SLC25A38: variants seen among roughly 807,000 people sequenced by gnomAD.
SLC25A38 encodes the protein mitochondrial glycine transporter.
A neutral mutation model predicts 33.4 loss-of-function variants in SLC25A38; 27 were observed. The observed-to-expected ratio is 0.81, with a 90% CI of 0.60 to 1.11. SLC25A38 has a LOEUF of 1.11. Among genes scored for constraint, SLC25A38 ranks in the 50% most tolerant of loss-of-function variants. The pLI, the probability that SLC25A38 is intolerant of heterozygous loss-of-function variation, is 0.00. For missense variants in SLC25A38, 344 were observed against 388.8 expected (o/e 0.88, Z 0.97); for synonymous variants, 123 against 145.9 (o/e 0.84, Z 1.13).
rs371503933 is a variant in SLC25A38 at position 39,394,506 on chromosome 3, T to C, written c.722T>C (p.Ile241Thr). The C allele has an allele frequency of 1.1e-5, 17 of 1,614,090 alleles. No homozygotes were observed. The highest frequency in any genetic ancestry group is 1.7e-5 in the Admixed American group (1 of 60,004). The part of the protein sequence containing the change: ...ASLVTQPADV[I>T]KTHMQLYPLK... ...CTGGTAACTCAACCTGCGGATGTTA[T>C]CAAAACTCATATGCAGCTTTATCCA... The change falls in exon 6 of 7, where the codon ATC (isoleucine) becomes ACC (threonine). Residue 241 changes from isoleucine (I) to threonine (T), a missense_variant. By Grantham distance (89) the Ile-to-Thr change is moderately conservative. Around this residue, in one of 2 missense-constraint regions of SLC25A38, gnomAD observed 75 missense variants for 117.0 expected, o/e 0.64. Transcript: ENST00000650617.
rs2041766590 is a variant in SLC25A38 at position 39,391,510 on chromosome 3, T to G, written c.346T>G (p.Leu116Val). Residue 116 changes from leucine (L) to valine (V), a missense_variant, in exon 4 of 7, where the codon TTG (leucine) becomes GTG (valine). Physicochemically the swap from Leu to Val is conservative, Grantham distance 32. Transcript: ENST00000650617. Reference protein sequence around the residue: ...GTLYSLKQYFLRGHPPTALES... With the variant: ...GTLYSLKQYFVRGHPPTALES... Reference sequence around the variant, plus strand: ...TCTCTACTCTTTGAAGCAGTATTTCTTGCGAGGCCATCCCCCAACCGCCCT... The same window carrying G: ...TCTCTACTCTTTGAAGCAGTATTTCGTGCGAGGCCATCCCCCAACCGCCCT... 1.2e-6 allele frequency: 2 copies of G among 1,614,240 alleles called. No homozygotes were observed. Among genetic ancestry groups the G allele is most frequent in the Non-Finnish European group, 1.7e-6 (2 of 1,180,030 alleles).
chr3:39,388,578 A>G (rs1230949336), intron 1 of SLC25A38: 3 of 152,246 alleles, frequency 2.0e-5, no homozygotes, highest in African/African-American at 7.2e-5. Flanking sequence ...AATGCCACTT[A>G]ATAAGGGAAG....
intron 3 of SLC25A38, among the ~76,000 whole-genome samples, chr3:39,390,968 A>C (rs1039999417): frequency 6.6e-6 from 1 of 152,234 alleles, no homozygotes; most frequent in Non-Finnish European, 1.5e-5. Context: ...TTTCAAGAGT[A>C]TAGGCCAGTT....
rs1410195107 is a variant in SLC25A38 at position 39,394,415 on chromosome 3, G to A, written c.631G>A (p.Val211Met). ...TTACCTTTGTTCTATTTCAGACCAG[G>A]TGGATGCAACCCTTATTCCTATTAC... ...QTKNIVPHDQ[V>M]DATLIPITNF... The change falls in exon 6 of 7, where the codon GTG (valine) becomes ATG (methionine). Residue 211 changes from valine to methionine, a missense_variant. By Grantham distance (21) the Val-to-Met change is conservative. Around this residue, in one of 2 missense-constraint regions of SLC25A38, gnomAD observed 269 missense variants for 271.8 expected, o/e 0.99. Coordinates refer to ENST00000650617, the MANE Select transcript of SLC25A38 (RefSeq NM_017875.4). 1.2e-6 allele frequency: 2 copies of A among 1,612,644 alleles called. No homozygotes were observed. Among genetic ancestry groups the A allele is most frequent in the South Asian group, 1.1e-5 (1 of 91,002 alleles).
At position 39,383,395 on chromosome 3, in the gene SLC25A38, C is replaced by T. The variant is rs2041668736; in HGVS notation, c.-330C>T. The T allele has an allele frequency of 2.9e-6, 1 of 339,130 alleles. No individual in the cohort carries two copies. The highest frequency in any genetic ancestry group is 2.1e-5 in the African/African-American group (1 of 47,254). The allele number at this position is 339,130 out of a possible 1,614,324, so 21.0% of individuals were successfully genotyped here. A position where few individuals can be genotyped will look rare whatever the true frequency, so the allele number is the denominator to read the frequency against. On this transcript the variant is annotated 5_prime_UTR_variant, in exon 1 of 7. Coordinates refer to ENST00000650617, the MANE Select transcript of SLC25A38 (RefSeq NM_017875.4). ...AGAGTTCCTCCGGCGCTTCCTCCAC[C>T]CCGGGATACACAGAACCTCATCTCC...
intron 2 of SLC25A38, among the ~76,000 whole-genome samples, chr3:39,390,003 C>T (rs1164451167): frequency 3.9e-5 from 6 of 152,134 alleles, no homozygotes; most frequent in Admixed American, 2.0e-4. Flanking sequence ...TGCAGAGGTG[C>T]GATCTCAGCT....
Position 39,383,708 on chromosome 3 carries a change from C to T in SLC25A38, c.-17C>T, listed in dbSNP as rs2276716. 1 of 1,613,976 alleles carries T rather than the reference C, an allele frequency of 6.2e-7. No homozygotes were observed. The highest frequency in any genetic ancestry group is 1.3e-5 in the African/African-American group (1 of 75,062). ...GACGGCACCCTGGGCCCAGAGGACT[C>T]GCGGGCCTCATCTCCAATGATTCAG... On this transcript the variant is annotated 5_prime_UTR_variant, in exon 1 of 7. Transcript: ENST00000650617.
In SLC25A38 at chr3:39,394,386, CAT is replaced by C. The variant is rs555553241; in HGVS notation, c.626-23_626-22del. On this transcript the variant is annotated intron_variant, in intron 5 of 6. Coordinates refer to ENST00000650617, the MANE Select transcript of SLC25A38 (RefSeq NM_017875.4). ...CTGATTAATATAAGATCTATGTCCA[CAT>C]GTTACCTTTGTTCTATTTCAGACCA... 1.3e-3 allele frequency: 2,119 copies of C among 1,611,838 alleles called. 2 individuals are homozygous for C. The highest frequency in any genetic ancestry group is 1.6e-3 in the Non-Finnish European group (1,942 of 1,179,702).
chr3:39,391,811 A>C, intron 4 of SLC25A38, 42 bp from the exon 5 acceptor site: 1 of 1,612,668 alleles, frequency 6.2e-7, no homozygotes, highest in Non-Finnish European at 8.5e-7. Flanking sequence ...GCTGAAATGC[A>C]GCGCCTCCAT....
rs1187825950 is a variant in SLC25A38, at chr3:39,395,877, G to C, written c.793-521G>C. On this transcript the variant is annotated intron_variant, in intron 6 of 6. Coordinates refer to ENST00000650617, the MANE Select transcript of SLC25A38 (RefSeq NM_017875.4). ...TTCAGCTAAGAAATCCCCCTAGATAGAGCAGCCTAAAAAGGTAAGCCCAGC... is the reference window on the plus strand; with the variant it reads ...TTCAGCTAAGAAATCCCCCTAGATACAGCAGCCTAAAAAGGTAAGCCCAGC... Among the ~76,000 whole-genome samples, 178 of 149,990 alleles carry C rather than the reference G, an allele frequency of 1.2e-3. 4 individuals carry two copies. Among genetic ancestry groups the C allele is most frequent in the Non-Finnish European group, 1.3e-4 (9 of 67,640 alleles).
Position 39,389,687 on chromosome 3 carries a change from A to C in SLC25A38, c.191+71A>C. ...GACACAGGAACATCTTTACTGTGTT[A>C]AGTCAACTTCCATTCTGTTGGATGT... On this transcript the variant is annotated intron_variant, in intron 2 of 6. Coordinates refer to ENST00000650617, the MANE Select transcript of SLC25A38 (RefSeq NM_017875.4). The surrounding 1 kb of genome is among the most constrained non-coding windows in gnomAD (Gnocchi z 4.5). The C allele has an allele frequency of 6.2e-7, 1 of 1,609,720 alleles. No homozygotes were observed. The highest frequency in any genetic ancestry group is 8.5e-7 in the Non-Finnish European group (1 of 1,176,370).
intron 1 of SLC25A38, chr3:39,388,534 A>G (rs2041728770): frequency 6.6e-6 from 1 of 152,242 alleles, no homozygotes; most frequent in Non-Finnish European, 1.5e-5. Flanking sequence ...TTTTAGGGCC[A>G]CAATGTGTCA....
intron 1 of SLC25A38, among the ~76,000 whole-genome samples, chr3:39,386,588 A>G (rs934065648): frequency 6.6e-6 from 1 of 152,192 alleles, no homozygotes; most frequent in African/African-American, 2.4e-5. Flanking sequence ...ATAAATAATA[A>G]AACAGAAGAT....
Position 39,389,225 on chromosome 3 carries a change from C to T in SLC25A38, c.70-270C>T. 3.0e-6 allele frequency: 2 copies of T among 672,014 alleles called. No homozygotes were observed. The highest frequency in any genetic ancestry group is 1.6e-5 in the South Asian group (1 of 61,532). The allele number at this position is 672,014 out of a possible 1,614,324, so 41.6% of individuals were successfully genotyped here. A position where few individuals can be genotyped will look rare whatever the true frequency, so the allele number is the denominator to read the frequency against. On this transcript the variant is annotated intron_variant, in intron 1 of 6. Coordinates refer to ENST00000650617, the MANE Select transcript of SLC25A38 (RefSeq NM_017875.4). This position sits in a 1 kb window ranked among gnomAD's most constrained non-coding sequence, Gnocchi z 4.5. ...ACAAATAGGGAAGAGTGGTCAGTGGCATGGAAATAGTTTTGCTCCCACTGA... is the reference window on the plus strand; with the variant it reads ...ACAAATAGGGAAGAGTGGTCAGTGGTATGGAAATAGTTTTGCTCCCACTGA...
chr3:39,394,675 G>A lies in SLC25A38; in HGVS notation c.792+99G>A, dbSNP rs2041808944. 2.8e-6 allele frequency: 4 copies of A among 1,437,284 alleles called. No homozygotes were observed. In the South Asian group the frequency reaches 4.9e-5, roughly 18 times the overall value. The allele number at this position is 1,437,284 out of a possible 1,614,324, so 89.0% of individuals were successfully genotyped here. A position where few individuals can be genotyped will look rare whatever the true frequency, so the allele number is the denominator to read the frequency against. Reference sequence around the variant, plus strand: ...CACTCACATTAAAATTGCCTAGAGAGCTTTTAAAAATCCCCATGCCCAGGT... The same window carrying A: ...CACTCACATTAAAATTGCCTAGAGAACTTTTAAAAATCCCCATGCCCAGGT... On this transcript the variant is annotated intron_variant, in intron 6 of 6. Coordinates refer to ENST00000650617, the MANE Select transcript of SLC25A38 (RefSeq NM_017875.4).
intron 1 of SLC25A38, among the ~76,000 whole-genome samples, chr3:39,388,126 C>T (rs2041724545): frequency 6.6e-6 from 1 of 152,156 alleles, no homozygotes; most frequent in Non-Finnish European, 1.5e-5. Flanking sequence ...ATTAATGCCA[C>T]AAAGTCTTGG....
chr3:39,389,601 A>G lies in SLC25A38; in HGVS notation c.176A>G (p.Gln59Arg), dbSNP rs768368667. The G allele has an allele frequency of 2.3e-5, 37 of 1,614,054 alleles. No individual in the cohort carries two copies. The highest frequency in any genetic ancestry group is 3.1e-5 in the Non-Finnish European group (36 of 1,180,042). ...DLLKTRLQTL[Q>R]PSDHGSRRVG... ...CTTAAAACACGCCTGCAAACCCTCCAGCCCTCAGATCATGGGTAGGCCCTG... is the reference window on the plus strand; with the variant it reads ...CTTAAAACACGCCTGCAAACCCTCCGGCCCTCAGATCATGGGTAGGCCCTG... The change falls in exon 2 of 7, where the codon CAG (glutamine) becomes CGG (arginine). Residue 59 changes from glutamine (Q) to arginine (R), a missense_variant. Transcript: ENST00000650617. This position sits in a 1 kb window ranked among gnomAD's most constrained non-coding sequence, Gnocchi z 4.5.
At chr3:39,384,046 G>A (rs985294713) in intron 1 of SLC25A38, among the ~76,000 whole-genome samples, 3 of 152,216 alleles carry the variant, frequency 2.0e-5, no homozygotes, top group Non-Finnish European at 4.4e-5. Flanking sequence ...CGGAATTGCC[G>A]GGGCCTGGAC....
chr3:39,392,315 C>G (rs1284798244), intron 5 of SLC25A38, among the ~76,000 whole-genome samples: 1 of 152,156 alleles, frequency 6.6e-6, no homozygotes, highest in Non-Finnish European at 1.5e-5. Context: ...TGCAACAGTA[C>G]TTCCCAAATT....
Sources: gnomAD v4.1 joint callset for allele counts (sites outside exome capture counted in the v4.1 genomes callset) on GRCh38, gnomAD v4.1.1 for gene constraint, gnomAD v4.1.1 regional missense constraint, Gnocchi (gnomAD v3.1) non-coding constraint, MANE v1.5 for transcripts, NCBI Gene and HGNC (gene_info 2026-07-23, HGNC 2026-07-21) for gene names.